Variants in NUP153 observed in about 807,000 individuals in gnomAD.
NUP153 encodes the protein nuclear pore complex protein Nup153.
In NUP153, 27 loss-of-function variants were observed where a neutral mutation model predicts 134.6. That is an observed-to-expected ratio of 0.20 (90% CI 0.15 to 0.28). NUP153 has a LOEUF of 0.28. NUP153 is among the 10% of genes least tolerant of loss of function. The pLI is 1.00. For missense variants in NUP153, 1,821 were observed against 1,731.3 expected (o/e 1.05, Z -0.92); for synonymous variants, 640 against 623.5 (o/e 1.03, Z -0.40).
intron 20 of NUP153, among the ~76,000 whole-genome samples, chr6:17,618,727 G>C (rs889882705): frequency 2.6e-5 from 4 of 152,010 alleles, no homozygotes; most frequent in Non-Finnish European, 5.9e-5. Context: ...CACCACGCCT[G>C]GCTAATTTTT....
chr6:17,623,024 G>A (rs907684502), intron 20 of NUP153, among the ~76,000 whole-genome samples: 2 of 152,008 alleles, frequency 1.3e-5, no homozygotes, highest in Admixed American at 1.3e-4. Flanking sequence ...CAGCTACTTG[G>A]GAGGCTGAGG....
intron 16 of NUP153, among the ~76,000 whole-genome samples, chr6:17,634,541 A>C (rs1206218125): frequency 6.6e-6 from 1 of 151,926 alleles, no homozygotes; most frequent in Non-Finnish European, 1.5e-5. Flanking sequence ...GGTTCAAGCT[A>C]TTCTCCTGCC....
intron 11 of NUP153, among the ~76,000 whole-genome samples, 178 bp downstream of exon 11, chr6:17,661,475 C>T (rs1447406276): frequency 3.3e-5 from 5 of 151,862 alleles, no homozygotes; most frequent in Non-Finnish European, 5.9e-5. Flanking sequence ...TCTATGATAC[C>T]CATGAAATTT....
rs1297259936 is a variant in NUP153 at position 17,625,685 on chromosome 6, T to C, written c.3901+123A>G. The stretch of plus-strand genomic sequence containing the variant: ...GTGAATAATTAAAACAACCCTGGTA[T>C]AGATGACCAAAAGGCATTCCCACCA... On this transcript the variant is annotated intron_variant, in intron 19 of 21. Transcript: ENST00000262077. The surrounding 1 kb of genome is among the most constrained non-coding windows in gnomAD (Gnocchi z 4.7). The C allele has an allele frequency of 8.1e-6, 6 of 737,628 alleles. No individual in the cohort carries two copies. Among genetic ancestry groups the C allele is most frequent in the Non-Finnish European group, 9.4e-6 (4 of 424,564 alleles). The allele number at this position is 737,628 out of a possible 1,614,324, so 45.7% of individuals were successfully genotyped here. A position where few individuals can be genotyped will look rare whatever the true frequency, so the allele number is the denominator to read the frequency against.
chr6:17,657,301 G>T (rs951753661), intron 11 of NUP153, among the ~76,000 whole-genome samples: 2 of 151,636 alleles, frequency 1.3e-5, no homozygotes, highest in African/African-American at 4.9e-5. Flanking sequence ...CAGCACTTTG[G>T]GAAGCAAGGC....
At chr6:17,632,456 T>C (rs1283874918) in intron 17 of NUP153, among the ~76,000 whole-genome samples, 194 bp downstream of exon 17, 1 of 152,182 alleles carries the variant, frequency 6.6e-6, no homozygotes, top group Non-Finnish European at 1.5e-5. Flanking sequence ...TACCTCACTG[T>C]TGACAAGCAA....
At chr6:17,622,715 G>A (rs908409590) in intron 20 of NUP153, among the ~76,000 whole-genome samples, 5 of 152,034 alleles carry the variant, frequency 3.3e-5, no homozygotes, top group African/African-American at 9.7e-5. Flanking sequence ...AAGAGAGGAA[G>A]TCAATAATGT....
chr6:17,630,856 A>G (rs1765216642), intron 17 of NUP153, among the ~76,000 whole-genome samples: 1 of 152,064 alleles, frequency 6.6e-6, no homozygotes, highest in Non-Finnish European at 1.5e-5. Flanking sequence ...TGACAAGATC[A>G]AAGTCTTGGT....
chr6:17,706,382 G>A lies in NUP153; in HGVS notation c.6C>T (p.Ala2=), dbSNP rs967268149. The A allele has an allele frequency of 6.2e-6, 10 of 1,611,320 alleles. No individual in the cohort carries two copies. Among genetic ancestry groups the A allele is most frequent in the African/African-American group, 1.3e-5 (1 of 74,848 alleles). M[A]SGAGGVGGGG... is the part of the protein sequence containing the mutation. ...CCCCTCCGACTCCTCCGGCTCCCGA[G>A]GCCATGGCGGAGCCTCCGCCGCTTC... Residue 2 remains alanine (A), a synonymous_variant, in exon 1 of 22, where the codon GCC becomes GCT. Coordinates refer to ENST00000262077, the MANE Select transcript of NUP153 (RefSeq NM_005124.4). This position sits in a 1 kb window ranked among gnomAD's most constrained non-coding sequence, Gnocchi z 5.9.
intron 20 of NUP153, 71 bp downstream of exon 20, chr6:17,624,490 C>T (rs1764816616): frequency 2.0e-6 from 3 of 1,473,304 alleles, no homozygotes; most frequent in South Asian, 1.3e-5. Flanking sequence ...GAATGGTTTC[C>T]AAGCTCAAAG....
Position 17,671,911 on chromosome 6 carries a change from G to A in NUP153, c.853-2365C>T, listed in dbSNP as rs144245176. The stretch of plus-strand genomic sequence containing the variant: ...TAGTCCCAGCTACTTGGGAGGCTGA[G>A]GCAGGAAAATTGTGTGAACCTGGGA... On this transcript the variant is annotated intron_variant, in intron 5 of 21. Transcript: ENST00000262077. 2.9e-4 allele frequency among the ~76,000 whole-genome samples: 44 copies of A among 152,220 alleles called. No individual in the cohort carries two copies. In the East Asian group the frequency reaches 8.5e-3, roughly 29 times the overall value.
At chr6:17,652,892 GGTGGCGCACAC>G (rs1299044557) in intron 11 of NUP153, among the ~76,000 whole-genome samples, 22 of 152,088 alleles carry the variant, frequency 1.4e-4, no homozygotes, top group Non-Finnish European at 1.0e-4. Context: ...AGCTGGGCGT[GGTGGCGCACAC>G]CTGTAATCCC....
intron 11 of NUP153, among the ~76,000 whole-genome samples, chr6:17,650,260 T>G (rs377564469): frequency 6.6e-6 from 1 of 152,192 alleles, no homozygotes; most frequent in South Asian, 2.1e-4. Context: ...GTTCTCTTCA[T>G]GAGTTGCTGC....
chr6:17,648,542 G>A lies in NUP153; in HGVS notation c.1533+621C>T, dbSNP rs545700333. ...TGAGGCAGGATAACCACTTGAACCC[G>A]GGAGGTGGAGGTTGCAGTGAGCCAA... is the stretch of plus-strand genomic sequence containing the variant. On this transcript the variant is annotated intron_variant, in intron 12 of 21. Transcript: ENST00000262077. 3.2e-3 allele frequency among the ~76,000 whole-genome samples: 488 copies of A among 152,114 alleles called. 2 individuals are homozygous for A. Among genetic ancestry groups the A allele is most frequent in the Non-Finnish European group, 4.4e-3 (301 of 67,990 alleles).
intron 20 of NUP153, among the ~76,000 whole-genome samples, chr6:17,617,680 A>G (rs1170778616): frequency 1.3e-5 from 2 of 151,830 alleles, no homozygotes; most frequent in African/African-American, 2.4e-5. Context: ...CTATCTCTAT[A>G]AAAAATTTTT....
intron 20 of NUP153, 104 bp from the exon 21 acceptor site, chr6:17,616,799 G>A: frequency 1.9e-6 from 2 of 1,078,322 alleles, no homozygotes; most frequent in Non-Finnish European, 1.4e-6. Flanking sequence ...GCCCAGGCTG[G>A]AGTACAGTGG....
chr6:17,697,339 C>T lies in NUP153; in HGVS notation c.112-8721G>A, dbSNP rs969454602. 3.3e-5 allele frequency among the ~76,000 whole-genome samples: 5 copies of T among 152,122 alleles called. No homozygotes were observed. The East Asian group carries it at 5.8e-4, about 18-fold the overall frequency. ...CTACATACATATCAGGAACATTCAA[C>T]GTATAAGGTATTGTGAATACATTAG... On this transcript the variant is annotated intron_variant, in intron 1 of 21. Transcript: ENST00000262077.
chr6:17,671,981 T>G (rs903877690), intron 5 of NUP153, among the ~76,000 whole-genome samples: 3 of 152,006 alleles, frequency 2.0e-5, no homozygotes, highest in African/African-American at 7.3e-5. Context: ...GCACTTCAGC[T>G]TGGGCAACAG....
At position 17,665,240 on chromosome 6, in the gene NUP153, C is replaced by A. The variant is rs1767455401; in HGVS notation, c.1214G>T (p.Ser405Ile). Reference protein sequence around the residue: ...KTNQRIDNKCSTGYEKNMTPG... With the variant: ...KTNQRIDNKCITGYEKNMTPG... Reference sequence around the variant, plus strand: ...TGGTAGAAATATACATATACTCACACTGCACTTGTTATCTATTCTTTGATT... The same window carrying A: ...TGGTAGAAATATACATATACTCACAATGCACTTGTTATCTATTCTTTGATT... Residue 405 changes from serine (S) to isoleucine (I), a missense_variant and splice_region_variant, in exon 9 of 22, where the codon AGT (serine) becomes ATT (isoleucine). Ser to Ile is a moderately radical substitution (Grantham distance 142). Coordinates refer to ENST00000262077, the MANE Select transcript of NUP153 (RefSeq NM_005124.4). 6.2e-7 allele frequency: 1 copy of A among 1,600,208 alleles called. No homozygotes were observed. The highest frequency in any genetic ancestry group is 8.6e-7 in the Non-Finnish European group (1 of 1,167,680).
Sources: gnomAD v4.1 joint callset for allele counts (sites outside exome capture counted in the v4.1 genomes callset) on GRCh38, gnomAD v4.1.1 for gene constraint, Gnocchi (gnomAD v3.1) non-coding constraint, MANE v1.5 for transcripts, NCBI Gene and HGNC (gene_info 2026-07-23, HGNC 2026-07-21) for gene names.